Variants in KCNU1 observed in about 807,000 individuals in gnomAD.
KCNU1 encodes the protein potassium channel subfamily U member 1.
KCNU1 carries 93 observed loss-of-function variants against 126.8 expected under a neutral mutation model. The observed-to-expected ratio is 0.73, with a 90% CI of 0.62 to 0.87. The LOEUF (loss-of-function observed/expected upper bound fraction) is 0.87, where lower values mean the gene tolerates loss of function less well. Ranked by LOEUF, KCNU1 falls within the 40% of genes least tolerant of loss-of-function variation. KCNU1 has a pLI of 0.00. For synonymous variants in KCNU1, 523 were observed against 494.2 expected (o/e 1.06, Z -0.77); for missense variants, 1,330 against 1,367.1 (o/e 0.97, Z 0.43).
In KCNU1 at chr8:36,807,476, C is replaced by T. The variant is rs1188189046; in HGVS notation, c.656+26C>T. 14 of 1,507,804 alleles carry T rather than the reference C, an allele frequency of 9.3e-6. No individual in the cohort carries two copies. In the East Asian group the frequency reaches 1.1e-4, roughly 12 times the overall value. 93.4% of individuals were successfully genotyped at this position (1,507,804 alleles called of 1,614,324 possible). On this transcript the variant is annotated intron_variant, in intron 6 of 26. Coordinates refer to ENST00000399881, the MANE Select transcript of KCNU1 (RefSeq NM_001031836.3). ...GTAAATAGCCCTGACCGAAGTACTG[C>T]TTACTTATTAGTTTGGATTAGAAAA... is the stretch of plus-strand genomic sequence containing the variant.
chr8:36,841,901 A>T (rs1205794452), intron 16 of KCNU1, among the ~76,000 whole-genome samples: 1 of 152,200 alleles, frequency 6.6e-6, no homozygotes, highest in Non-Finnish European at 1.5e-5. Context: ...AGCAAATGAA[A>T]TATACATAAA....
chr8:36,797,602 C>T (rs1367488254), intron 2 of KCNU1, among the ~76,000 whole-genome samples: 2 of 151,480 alleles, frequency 1.3e-5, no homozygotes, highest in African/African-American at 2.4e-5. Flanking sequence ...GTTTTTCTTA[C>T]ATAACACACT....
chr8:36,818,284 G>A (rs1252579877), intron 10 of KCNU1, among the ~76,000 whole-genome samples: 1 of 152,042 alleles, frequency 6.6e-6, no homozygotes, highest in Non-Finnish European at 1.5e-5. Context: ...TTTTAATTTT[G>A]TAATTTTCAA....
chr8:36,785,024 C>CATATGT (rs1195126630), intron 1 of KCNU1, among the ~76,000 whole-genome samples: 2 of 152,216 alleles, frequency 1.3e-5, no homozygotes, highest in Admixed American at 1.3e-4. Flanking sequence ...ATGCATAATG[C>CATATGT]ATATGTACTG....
At chr8:36,906,472 C>A (rs1333171273) in intron 20 of KCNU1, among the ~76,000 whole-genome samples, 1 of 152,050 alleles carries the variant, frequency 6.6e-6, no homozygotes, top group African/African-American at 2.4e-5. Flanking sequence ...TTTCTAGATG[C>A]CCACCTACTG....
chr8:36,785,371 T>C (rs1585367988), intron 1 of KCNU1, among the ~76,000 whole-genome samples: 1 of 152,216 alleles, frequency 6.6e-6, no homozygotes, highest in Non-Finnish European at 1.5e-5. Flanking sequence ...CCAAACTTTC[T>C]TTCTCTGATA....
chr8:36,927,080 G>T (rs1486906967), intron 24 of KCNU1, among the ~76,000 whole-genome samples: 1 of 152,158 alleles, frequency 6.6e-6, no homozygotes, highest in South Asian at 2.1e-4. Flanking sequence ...TAAACACCAA[G>T]AATAAATGTG....
chr8:36,824,627 C>T (rs1262609021), intron 10 of KCNU1, among the ~76,000 whole-genome samples: 1 of 152,118 alleles, frequency 6.6e-6, no homozygotes, highest in Non-Finnish European at 1.5e-5. Flanking sequence ...GTTGAAGCTC[C>T]ATCTTTAGTT....
At chr8:36,924,245 A>G (rs944298823) in intron 24 of KCNU1, among the ~76,000 whole-genome samples, 13 of 152,310 alleles carry the variant, frequency 8.5e-5, no homozygotes, top group African/African-American at 3.1e-4. Context: ...GAGCTGCAAA[A>G]TGGCTGGATG....
At chr8:36,897,547 TC>T (rs2117473096) in intron 19 of KCNU1, among the ~76,000 whole-genome samples, 1 of 152,066 alleles carries the variant, frequency 6.6e-6, no homozygotes, top group East Asian at 1.9e-4. Flanking sequence ...CTTTAGAAAC[TC>T]CATTTCAAAT....
At chr8:36,914,013 T>G (rs180738727) in intron 22 of KCNU1, among the ~76,000 whole-genome samples, 2 of 152,314 alleles carry the variant, frequency 1.3e-5, no homozygotes, top group East Asian at 3.9e-4. Context: ...GAGTTTGTAT[T>G]AATATTATAG....
intron 18 of KCNU1, among the ~76,000 whole-genome samples, chr8:36,861,195 A>G (rs1805717948): frequency 6.6e-6 from 1 of 152,220 alleles, no homozygotes; most frequent in Non-Finnish European, 1.5e-5. Context: ...AAATTTCAAT[A>G]AAAAGAAAAG....
intron 19 of KCNU1, among the ~76,000 whole-genome samples, chr8:36,881,796 TCACACACACACACACACACACA>T (rs10522369): frequency 1.6e-4 from 22 of 138,930 alleles, no homozygotes; most frequent in African/African-American, 3.6e-4. Flanking sequence ...AAAAGTCAAA[TCACACACACACACACACACACA>T]CACACACACA....
At chr8:36,933,377 A>G (rs1808759628) in intron 26 of KCNU1, among the ~76,000 whole-genome samples, 1 of 152,116 alleles carries the variant, frequency 6.6e-6, no homozygotes, top group Admixed American at 6.6e-5. Flanking sequence ...TCCACTATCT[A>G]CATTTGAAAG....
At chr8:36,803,890 G>GAATA in intron 2 of KCNU1, 137 bp from the exon 3 acceptor site, 1 of 684,936 alleles carries the variant, frequency 1.5e-6, no homozygotes, top group Non-Finnish European at 2.6e-6. Flanking sequence ...ATGAATGAAT[G>GAATA]AATACTAACA....
At chr8:36,924,979 A>T (rs1237025300) in intron 24 of KCNU1, among the ~76,000 whole-genome samples, 2 of 152,180 alleles carry the variant, frequency 1.3e-5, no homozygotes, top group East Asian at 3.9e-4. Flanking sequence ...ACAACGAATG[A>T]ACACACAATC....
At chr8:36,822,679 A>G (rs942959359) in intron 10 of KCNU1, among the ~76,000 whole-genome samples, 2 of 152,218 alleles carry the variant, frequency 1.3e-5, no homozygotes, top group East Asian at 3.8e-4. Context: ...AGTTGCATGC[A>G]AGAAAAACTA....
intron 14 of KCNU1, among the ~76,000 whole-genome samples, chr8:36,837,823 G>T (rs915078488): frequency 3.9e-5 from 6 of 152,160 alleles, no homozygotes. Context: ...TGCAGAGAAT[G>T]ACCTTACTTT....
intron 19 of KCNU1, among the ~76,000 whole-genome samples, chr8:36,866,070 C>G (rs986978608): frequency 6.6e-6 from 1 of 152,052 alleles, no homozygotes; most frequent in Admixed American, 6.6e-5. Flanking sequence ...CAAGGAATCA[C>G]TTTGCTTGAT....
Sources: allele counts gnomAD v4.1 joint callset (sites outside exome capture counted in the v4.1 genomes callset), GRCh38; gene constraint gnomAD v4.1.1; transcripts MANE v1.5; gene names NCBI Gene and HGNC (gene_info 2026-07-23, HGNC 2026-07-21).